The following NRROS variants were observed in gnomAD, a reference collection of about 807,000 sequenced individuals.
The protein encoded by NRROS is negative regulator of reactive oxygen species.
In NRROS, 6 loss-of-function variants were observed where a neutral mutation model predicts 12.0. The observed-to-expected ratio is 0.50, with a 90% CI of 0.27 to 0.98. The LOEUF is 0.98. Among genes scored for constraint, NRROS ranks in the 50% least tolerant of loss-of-function variants. NRROS has a pLI of 0.11. For missense variants in NRROS, 857 were observed against 888.2 expected (o/e 0.96, Z 0.45); for synonymous variants, 462 against 410.2 (o/e 1.13, Z -1.53).
Position 196,660,924 on chromosome 3 carries a change from C to T in NRROS, c.1281C>T (p.Asn427=). ...VPPGLFANAR[N]ITTLDMSHNQ... ...CTGGCCTCTTCGCCAATGCTAGGAA[C>T]ATCACTACACTTGACATGAGCCACA... The change falls in exon 3 of 3, where the codon AAC becomes AAT. Residue 427 remains asparagine, a synonymous_variant. Transcript: ENST00000328557. The surrounding 1 kb of genome is among the most constrained non-coding windows in gnomAD (Gnocchi z 7.7). 1 of 1,614,180 alleles carries T rather than the reference C, an allele frequency of 6.2e-7. No homozygotes were observed. The highest frequency in any genetic ancestry group is 8.5e-7 in the Non-Finnish European group (1 of 1,180,048).
chr3:196,642,063 A>T (rs1737219573), intron 1 of NRROS, among the ~76,000 whole-genome samples: 1 of 152,104 alleles, frequency 6.6e-6, no homozygotes, highest in South Asian at 2.1e-4. Context: ...TCTCAACTTC[A>T]TCATGAAGCA....
At position 196,654,267 on chromosome 3, in the gene NRROS, C is replaced by T. The variant is rs6809228; in HGVS notation, c.-13-260C>T. Among the ~76,000 whole-genome samples, 23,978 of 152,182 alleles carry T rather than the reference C, an allele frequency of 0.16. 2,113 individuals carry two copies. Among genetic ancestry groups the T allele is most frequent in the Admixed American group, 0.28 (4,304 of 15,270 alleles). ...TTGCTTCTCCCTTCTGTGCTGGACT[C>T]GCTGAAGTTTAGTGTTCAGCCACCC... On this transcript the variant is annotated intron_variant, in intron 1 of 2. Transcript: ENST00000328557. This position sits in a 1 kb window ranked among gnomAD's most constrained non-coding sequence, Gnocchi z 4.4.
chr3:196,646,786 C>T (rs1237466676), intron 1 of NRROS, among the ~76,000 whole-genome samples: 6 of 152,168 alleles, frequency 3.9e-5, no homozygotes, highest in East Asian at 1.9e-4. Context: ...CCCGGTACAG[C>T]GCAGGCTGAC....
In NRROS at chr3:196,651,908, T is replaced by C. The variant is rs540419149; in HGVS notation, c.-13-2619T>C. Among the ~76,000 whole-genome samples the C allele has an allele frequency of 5.9e-5, 9 of 152,330 alleles. No individual in the cohort carries two copies. The South Asian group carries it at 1.9e-3, about 32-fold the overall frequency. On this transcript the variant is annotated intron_variant, in intron 1 of 2. Transcript: ENST00000328557. ...AGTATGCTGGATTCTTTCTGCCCTC[T>C]ACTGTCTGACCTCCCAGGAGGAGTG...
chr3:196,653,552 G>A (rs1737474463), intron 1 of NRROS, among the ~76,000 whole-genome samples: 1 of 152,220 alleles, frequency 6.6e-6, no homozygotes, highest in African/African-American at 2.4e-5. Flanking sequence ...CTCTGGGTCT[G>A]CAGAATGCAG....
In NRROS at chr3:196,646,417, C is replaced by G. The variant is rs532413574; in HGVS notation, c.-14+6542C>G. Among the ~76,000 whole-genome samples the G allele has an allele frequency of 7.4e-4, 112 of 152,322 alleles. 1 individual carries two copies. Among genetic ancestry groups the G allele is most frequent in the African/African-American group, 2.5e-3 (102 of 41,570 alleles). ...TCCTATAGAAAGGTGACACCGAGGA[C>G]CTACCACCAGCCACCACCAGCATGC... On this transcript the variant is annotated intron_variant, in intron 1 of 2. Transcript: ENST00000328557.
rs369864683 is a variant in NRROS at position 196,659,817 on chromosome 3, C to A, written c.174C>A (p.His58Gln). Residue 58 changes from histidine (H) to glutamine (Q), a missense_variant, in exon 3 of 3, where the codon CAC becomes CAA. Physicochemically the swap from His to Gln is conservative, Grantham distance 24. Transcript: ENST00000328557. ...LASVPSSLPP[H>Q]ARMLTLDANP... ...CGGTGCCCAGCAGCCTCCCGCCCCA[C>A]GCCCGGATGCTCACCCTGGATGCCA... 1.2e-6 allele frequency: 2 copies of A among 1,614,032 alleles called. No individual in the cohort carries two copies. Among genetic ancestry groups the A allele is most frequent in the Non-Finnish European group, 1.7e-6 (2 of 1,179,958 alleles).
chr3:196,661,147 A>C lies in NRROS; in HGVS notation c.1504A>C (p.Ser502Arg), dbSNP rs1457553426. The C allele has an allele frequency of 5.6e-6, 9 of 1,612,502 alleles. 1 individual carries two copies. The highest frequency in any genetic ancestry group is 7.6e-6 in the Non-Finnish European group (9 of 1,178,958). Residue 502 changes from serine (S) to arginine (R), a missense_variant, in exon 3 of 3, where the codon AGC (serine) becomes CGC (arginine). By Grantham distance (110) the Ser-to-Arg change is moderately radical. Coordinates refer to ENST00000328557, the MANE Select transcript of NRROS (RefSeq NM_198565.3). ...LSSNWGVLNG[S>R]LAPLQDVAPM... ...AAGCAACTGGGGGGTTCTGAATGGGAGCCTCGCCCCACTCCAGGATGTTGC... is the reference window on the plus strand; with the variant it reads ...AAGCAACTGGGGGGTTCTGAATGGGCGCCTCGCCCCACTCCAGGATGTTGC...
In NRROS at chr3:196,659,296, C is replaced by CT. The variant is rs35305090; in HGVS notation, c.109-434dup. On this transcript the variant is annotated intron_variant, in intron 2 of 2. Transcript: ENST00000328557. ...TCAGGATGGTGAAAGCTCTCAAGTCCTTTTTTTTTTTTTTTTTTTTTTGAG... is the reference window on the plus strand; with the variant it reads ...TCAGGATGGTGAAAGCTCTCAAGTCCTTTTTTTTTTTTTTTTTTTTTTTGAG... Among the ~76,000 whole-genome samples, 584 of 81,402 alleles carry CT rather than the reference C, an allele frequency of 7.2e-3. 12 individuals carry two copies. The East Asian group carries it at 0.095, about 13-fold the overall frequency. 53.4% of individuals were successfully genotyped at this position (81,402 alleles called of 152,430 possible).
rs185210495 is a variant in NRROS, at chr3:196,655,491, C to T, written c.108+844C>T. Among the ~76,000 whole-genome samples the T allele has an allele frequency of 1.6e-4, 24 of 151,976 alleles. 1 individual carries two copies. The East Asian group carries it at 4.6e-3, about 29-fold the overall frequency. On this transcript the variant is annotated intron_variant, in intron 2 of 2. Transcript: ENST00000328557. ...CGGAGGTTGCAGTGAGCCGAGATCA[C>T]ACCCCTGCACTCCATCCTGGGCGAC...
At chr3:196,650,540 CAA>C (rs1354258239) in intron 1 of NRROS, among the ~76,000 whole-genome samples, 2 of 152,334 alleles carry the variant, frequency 1.3e-5, no homozygotes, top group East Asian at 3.9e-4. Flanking sequence ...CTTGGCCTCC[CAA>C]AGTGCTGGGA....
At chr3:196,657,819 CCTTT>C (rs938635569) in intron 2 of NRROS, among the ~76,000 whole-genome samples, 13 of 152,118 alleles carry the variant, frequency 8.5e-5, no homozygotes, top group Admixed American at 7.2e-4. Flanking sequence ...CTTGGCAAAT[CCTTT>C]CTAACGTTCG....
Position 196,661,105 on chromosome 3 carries a change from A to G in NRROS, c.1462A>G (p.Thr488Ala), listed in dbSNP as rs1345864291. ...CTGCCCATTCCAAGGGACCTCCCTGACCTACTTAGACCTCTCAAGCAACTG... is the reference window on the plus strand; with the variant it reads ...CTGCCCATTCCAAGGGACCTCCCTGGCCTACTTAGACCTCTCAAGCAACTG... ...PDCPFQGTSL[T>A]YLDLSSNWGV... Residue 488 changes from threonine to alanine, a missense_variant, in exon 3 of 3, where the codon ACC (threonine) becomes GCC (alanine). Transcript: ENST00000328557. 2 of 1,613,752 alleles carry G rather than the reference A, an allele frequency of 1.2e-6. No individual in the cohort carries two copies. The highest frequency in any genetic ancestry group is 4.5e-5 in the East Asian group (2 of 44,870).
At position 196,661,795 on chromosome 3, in the gene NRROS, T is replaced by A; in HGVS notation, c.*73T>A. 7.5e-7 allele frequency: 1 copy of A among 1,326,484 alleles called. No individual in the cohort carries two copies. The highest frequency in any genetic ancestry group is 1.0e-6 in the Non-Finnish European group (1 of 972,662). The allele number at this position is 1,326,484 out of a possible 1,614,324, so 82.2% of individuals were successfully genotyped here. ...ACTTTCTCTGCCAGCTTTCAAGATG[T>A]GATGCAGAGGCCAAGTCTGACGAAT... On this transcript the variant is annotated 3_prime_UTR_variant, in exon 3 of 3. Transcript: ENST00000328557.
chr3:196,653,823 G>A (rs1737479805), intron 1 of NRROS, among the ~76,000 whole-genome samples: 2 of 152,150 alleles, frequency 1.3e-5, no homozygotes, highest in South Asian at 4.1e-4. Flanking sequence ...ATACCTTCAA[G>A]CCTTCTCATT....
intron 2 of NRROS, among the ~76,000 whole-genome samples, chr3:196,657,991 T>C (rs1269733780): frequency 6.6e-6 from 1 of 152,114 alleles, no homozygotes; most frequent in Non-Finnish European, 1.5e-5. Flanking sequence ...ATGACGAGTA[T>C]AATTTCGGTT....
chr3:196,646,144 A>G (rs1490432087), intron 1 of NRROS, among the ~76,000 whole-genome samples: 1 of 152,222 alleles, frequency 6.6e-6, no homozygotes, highest in Non-Finnish European at 1.5e-5. Flanking sequence ...GAGGCCATCA[A>G]GGCAAGTGCT....
Position 196,645,794 on chromosome 3 carries a change from G to A in NRROS, c.-14+5919G>A, listed in dbSNP as rs543602518. On this transcript the variant is annotated intron_variant, in intron 1 of 2. Coordinates refer to ENST00000328557, the MANE Select transcript of NRROS (RefSeq NM_198565.3). ...AAAAAACCCCTGCCCACAGTCTACC[G>A]TGGACCCTGGGTGCTCGCTTCTCCC... Among the ~76,000 whole-genome samples, 34 of 152,256 alleles carry A rather than the reference G, an allele frequency of 2.2e-4. No individual in the cohort carries two copies. The South Asian group carries it at 4.4e-3, about 19-fold the overall frequency.
At chr3:196,655,732 C>T (rs1324844905) in intron 2 of NRROS, among the ~76,000 whole-genome samples, 2 of 152,138 alleles carry the variant, frequency 1.3e-5, no homozygotes, top group Admixed American at 6.5e-5. Flanking sequence ...GGACCACGCT[C>T]AGGCTAAGAA....
Sources: gnomAD v4.1 joint callset for allele counts (sites outside exome capture counted in the v4.1 genomes callset) on GRCh38, gnomAD v4.1.1 for gene constraint, Gnocchi (gnomAD v3.1) non-coding constraint, MANE v1.5 for transcripts, NCBI Gene and HGNC (gene_info 2026-07-23, HGNC 2026-07-21) for gene names.